TBC1D19: variants seen among roughly 807,000 people sequenced by gnomAD.
The protein encoded by TBC1D19 is TBC1 domain family member 19.
Under a neutral mutation model 89.0 loss-of-function variants are expected in TBC1D19, and 60 were observed. The ratio of observed to expected loss-of-function variants is 0.67; its 90% CI spans 0.55 to 0.84. The LOEUF is 0.84. Among genes scored for constraint, TBC1D19 ranks in the 40% least tolerant of loss-of-function variants. The pLI is 0.00. For missense variants in TBC1D19, 500 were observed against 610.8 expected, an observed-to-expected ratio of 0.82 and a Z score of 1.91; for synonymous variants, 189 against 199.7, an observed-to-expected ratio of 0.95 and a Z score of 0.45.
intron 1 of TBC1D19, among the ~76,000 whole-genome samples, chr4:26,588,037 T>C (rs1045494168): frequency 6.7e-6 from 1 of 149,954 alleles, no homozygotes; most frequent in African/African-American, 2.5e-5. Flanking sequence ...TTTTTTTTTT[T>C]TTTTTTGAGG....
At chr4:26,700,661 G>A (rs1028532613) in intron 13 of TBC1D19, among the ~76,000 whole-genome samples, 3 of 152,064 alleles carry the variant, frequency 2.0e-5, no homozygotes, top group African/African-American at 7.2e-5. Context: ...TATCTCAAGA[G>A]TTATTAGTTA....
chr4:26,673,444 T>TACACACACACACACACACAC (rs149722432), intron 10 of TBC1D19, among the ~76,000 whole-genome samples: 33 of 78,358 alleles, frequency 4.2e-4, no homozygotes, highest in African/African-American at 1.7e-3. Flanking sequence ...TATATATATA[T>TACACACACACACACACACAC]ATACACACAC....
At chr4:26,716,696 T>G (rs1716636901) in intron 13 of TBC1D19, among the ~76,000 whole-genome samples, 1 of 152,140 alleles carries the variant, frequency 6.6e-6, no homozygotes, top group Non-Finnish European at 1.5e-5. Context: ...AAAAATTATA[T>G]GTATGAGTAT....
chr4:26,662,245 C>A (rs260942), intron 8 of TBC1D19, among the ~76,000 whole-genome samples: 142,790 of 152,220 alleles, frequency 0.94, 67,520 homozygotes, highest in Non-Finnish European at 1. Flanking sequence ...ATTCTCAGAA[C>A]GATAAGATAT....
chr4:26,786,003 C>T, the TBC1D19 span, among the ~76,000 whole-genome samples: 1 of 152,298 alleles, frequency 6.6e-6, no homozygotes, highest in African/African-American at 2.4e-5. Context: ...ATTACAATCT[C>T]AAGGCTAAAG....
At chr4:26,610,144 G>A (rs1424693317) in intron 1 of TBC1D19, among the ~76,000 whole-genome samples, 1 of 151,950 alleles carries the variant, frequency 6.6e-6, no homozygotes, top group African/African-American at 2.4e-5. Context: ...GACTAAATGT[G>A]GGACTTTAAA....
At position 26,753,830 on chromosome 4, in the gene TBC1D19, T is replaced by A. The variant is rs1173434945; in HGVS notation, c.1446T>A (p.Ala482=). ...NSLEILAVLA[A]AVFAFRAVNL... ...TGCATTCTTTTCCAGTGCTGGCAGCTGCCGTGTTTGCTTTCCGAGCAGTGA... is the reference window on the plus strand; with the variant it reads ...TGCATTCTTTTCCAGTGCTGGCAGCAGCCGTGTTTGCTTTCCGAGCAGTGA... The change falls in exon 20 of 21, where the codon GCT becomes GCA. Residue 482 remains alanine (A), a synonymous_variant. Coordinates refer to ENST00000264866, the MANE Select transcript of TBC1D19 (RefSeq NM_018317.4). 6.2e-7 allele frequency: 1 copy of A among 1,613,984 alleles called. No homozygotes were observed. Among genetic ancestry groups the A allele is most frequent in the South Asian group, 1.1e-5 (1 of 91,082 alleles).
rs557032537 is a variant in TBC1D19, at chr4:26,677,563, C to T, written c.816+3675C>T. Among the ~76,000 whole-genome samples, 32 of 152,168 alleles carry T rather than the reference C, an allele frequency of 2.1e-4. No individual in the cohort carries two copies. The South Asian group carries it at 4.8e-3, about 23-fold the overall frequency. ...GTCTTGATCTCCTGACCTCATGATC[C>T]GCCTGCCTCGGCCTCCCAATACCCT... On this transcript the variant is annotated intron_variant, in intron 11 of 20. Coordinates refer to ENST00000264866, the MANE Select transcript of TBC1D19 (RefSeq NM_018317.4).
At chr4:26,737,546 T>C (rs1012294364) in intron 16 of TBC1D19, among the ~76,000 whole-genome samples, 3 of 152,164 alleles carry the variant, frequency 2.0e-5, no homozygotes, top group African/African-American at 7.2e-5. Flanking sequence ...AGCCTCTGCC[T>C]ATTCACATTT....
intron 13 of TBC1D19, among the ~76,000 whole-genome samples, chr4:26,709,165 AATG>A (rs1273438687): frequency 6.6e-6 from 1 of 151,680 alleles, no homozygotes; most frequent in Non-Finnish European, 1.5e-5. Flanking sequence ...AGTTTTTTTG[AATG>A]TTGTTTGTTC....
At chr4:26,811,452 A>C in the TBC1D19 span, among the ~76,000 whole-genome samples, 1 of 151,572 alleles carries the variant, frequency 6.6e-6, no homozygotes, top group Non-Finnish European at 1.5e-5. Flanking sequence ...ATGAAGGACG[A>C]TATAAGTGAG....
At chr4:26,718,130 T>C (rs1284526088) in intron 14 of TBC1D19, 113 bp downstream of exon 14, 1 of 735,182 alleles carries the variant, frequency 1.4e-6, no homozygotes, top group Non-Finnish European at 2.2e-6. Flanking sequence ...TTACTTAAGA[T>C]TTCTCTCAGA....
chr4:26,780,471 G>T, the TBC1D19 span, among the ~76,000 whole-genome samples: 15 of 152,294 alleles, frequency 9.8e-5, no homozygotes, highest in Non-Finnish European at 1.8e-4. Flanking sequence ...GATTGAGCAG[G>T]TTTCTCCTCC....
chr4:26,710,948 G>T (rs565882170), intron 13 of TBC1D19, among the ~76,000 whole-genome samples: 32 of 152,096 alleles, frequency 2.1e-4, no homozygotes, highest in Admixed American at 3.3e-4. Context: ...AGATGAGTAG[G>T]TTGCAAAAAT....
intron 1 of TBC1D19, among the ~76,000 whole-genome samples, chr4:26,596,247 G>A (rs371417202): frequency 2.0e-5 from 3 of 152,104 alleles, no homozygotes; most frequent in South Asian, 4.1e-4. Flanking sequence ...ATGAGCCACC[G>A]TGCTCGGCCC....
At chr4:26,778,970 G>T in the TBC1D19 span, among the ~76,000 whole-genome samples, 3 of 152,260 alleles carry the variant, frequency 2.0e-5, no homozygotes, top group South Asian at 6.2e-4. Context: ...GAATCTCTGG[G>T]GATGGAGCAT....
At chr4:26,635,557 T>C (rs1443938335) in intron 4 of TBC1D19, among the ~76,000 whole-genome samples, 1 of 152,184 alleles carries the variant, frequency 6.6e-6, no homozygotes, top group African/African-American at 2.4e-5. Flanking sequence ...CTGAACTTTA[T>C]ACATTTCACA....
At chr4:26,669,758 CTTTA>C (rs1274818462) in intron 9 of TBC1D19, among the ~76,000 whole-genome samples, 1 of 151,566 alleles carries the variant, frequency 6.6e-6, no homozygotes, top group African/African-American at 2.4e-5. Context: ...TTCAACTATT[CTTTA>C]TTCATTCAGT....
At chr4:26,667,118 A>C (rs1245149486) in intron 9 of TBC1D19, among the ~76,000 whole-genome samples, 1 of 152,014 alleles carries the variant, frequency 6.6e-6, no homozygotes, top group African/African-American at 2.4e-5. Flanking sequence ...TATTATTATT[A>C]CTATGTAATC....
Sources: allele counts gnomAD v4.1 joint callset (sites outside exome capture counted in the v4.1 genomes callset), GRCh38; gene constraint gnomAD v4.1.1; transcripts MANE v1.5; gene names NCBI Gene and HGNC (gene_info 2026-07-23, HGNC 2026-07-21).